The following INPP5F variants were observed in gnomAD, a reference collection of about 807,000 sequenced individuals.
The protein encoded by INPP5F is inositol polyphosphate-5-phosphatase F, also known as phosphatidylinositide 4-phosphatase SAC2.
In INPP5F, 97 loss-of-function variants were observed where a neutral mutation model predicts 137.2. That is an observed-to-expected ratio of 0.71 (90% CI 0.60 to 0.84). The LOEUF (loss-of-function observed/expected upper bound fraction) is 0.84. Among genes scored for constraint, INPP5F ranks in the 40% least tolerant of loss-of-function variants. INPP5F has a pLI of 0.00. For synonymous variants in INPP5F, 504 were observed against 476.9 expected, an observed-to-expected ratio of 1.06 and a Z score of -0.74; for missense variants, 1,271 against 1,371.9, an observed-to-expected ratio of 0.93 and a Z score of 1.16.
chr10:119,798,370 GA>G (rs1336890959), intron 8 of INPP5F, among the ~76,000 whole-genome samples, 172 bp from the exon 9 acceptor site: 8 of 151,684 alleles, frequency 5.3e-5, no homozygotes, highest in Admixed American at 3.3e-4. Context: ...AGTGTAACTG[GA>G]AAAAAAATCA....
chr10:119,767,130 A>AC (rs1385913935), intron 2 of INPP5F, among the ~76,000 whole-genome samples: 2 of 150,052 alleles, frequency 1.3e-5, no homozygotes, highest in African/African-American at 4.9e-5. Flanking sequence ...AAAAAAAAAA[A>AC]AAACCTAGAG....
chr10:119,823,002 T>C, intron 17 of INPP5F, 69 bp from the exon 18 acceptor site: 5 of 1,460,512 alleles, frequency 3.4e-6, no homozygotes, highest in Non-Finnish European at 4.6e-6. Flanking sequence ...GTGTTGGGTC[T>C]TTTTAAGATA....
At position 119,805,461 on chromosome 10, in the gene INPP5F, G is replaced by A. The variant is rs1344866726; in HGVS notation, c.1319G>A (p.Trp440Ter). Residue 440 changes from tryptophan (W) to a stop codon, truncating the protein, a stop_gained and splice_region_variant, in exon 11 of 20, where the codon TGG becomes TAG. Transcript: ENST00000650623. LOFTEE classifies it high-confidence loss of function. ...ATTATTCTTGATATGAAGTGGTGTT[G>A]GTAAGTATTTTACAAGAACTCCTTT... The part of the protein sequence containing the change: ...YDIILDMKWC[W>*]VDEAGVICKQ... 6.2e-7 allele frequency: 1 copy of A among 1,601,428 alleles called. No homozygotes were observed. The highest frequency in any genetic ancestry group is 1.3e-5 in the African/African-American group (1 of 74,718).
rs563627364 is a variant in INPP5F at position 119,784,850 on chromosome 10, C to G, written c.315+3079C>G. 7.2e-5 allele frequency among the ~76,000 whole-genome samples: 11 copies of G among 152,284 alleles called. No individual in the cohort carries two copies. In the East Asian group the frequency reaches 1.9e-3, roughly 27 times the overall value. On this transcript the variant is annotated intron_variant, in intron 3 of 19. Coordinates refer to ENST00000650623, the MANE Select transcript of INPP5F (RefSeq NM_014937.4). ...ACCCTGTCTTCGTTAGCAGCCACTCCTCACTTCCTCCCAAACTCCAGCTCC... is the reference window on the plus strand; with the variant it reads ...ACCCTGTCTTCGTTAGCAGCCACTCGTCACTTCCTCCCAAACTCCAGCTCC...
In INPP5F at chr10:119,806,606, C is replaced by A. The variant is rs548403582; in HGVS notation, c.1440+126C>A. 1.5e-4 allele frequency: 120 copies of A among 824,278 alleles called. No individual in the cohort carries two copies. The South Asian group carries it at 3.6e-3, about 25-fold the overall frequency. 51.1% of individuals were successfully genotyped at this position (824,278 alleles called of 1,614,324 possible). A position where few individuals can be genotyped will look rare whatever the true frequency, so the allele number is the denominator to read the frequency against. On this transcript the variant is annotated intron_variant, in intron 12 of 19. Coordinates refer to ENST00000650623, the MANE Select transcript of INPP5F (RefSeq NM_014937.4). ...TTACAACATTTACAATATACAAACA[C>A]CCTTGTTGCATTAAAATCTGGAAAG...
intron 1 of INPP5F, among the ~76,000 whole-genome samples, chr10:119,729,875 A>G (rs1252268716): frequency 2.0e-5 from 3 of 151,006 alleles, no homozygotes; most frequent in Non-Finnish European, 4.4e-5. Context: ...ATGAGCCACC[A>G]CACTGGGCTT....
At chr10:119,741,743 C>A (rs1848381930) in intron 1 of INPP5F, among the ~76,000 whole-genome samples, 1 of 152,076 alleles carries the variant, frequency 6.6e-6, no homozygotes, top group East Asian at 1.9e-4. Flanking sequence ...CCATGTTGGC[C>A]AGGTTGGTCT....
At chr10:119,752,958 T>A (rs1848730842) in intron 2 of INPP5F, among the ~76,000 whole-genome samples, 1 of 152,008 alleles carries the variant, frequency 6.6e-6, no homozygotes, top group East Asian at 1.9e-4. Flanking sequence ...CTTTCTTTTT[T>A]TTTTGCTATT....
chr10:119,753,961 T>C (rs1848763327), intron 2 of INPP5F, among the ~76,000 whole-genome samples: 1 of 152,210 alleles, frequency 6.6e-6, no homozygotes. Flanking sequence ...CCTCTCCCTC[T>C]ATGTCTCTTT....
At chr10:119,807,166 G>T (rs576869116) in intron 12 of INPP5F, among the ~76,000 whole-genome samples, 2 of 152,092 alleles carry the variant, frequency 1.3e-5, no homozygotes, top group African/African-American at 4.8e-5. Flanking sequence ...CCCGCTACTC[G>T]GGAGGCTAAG....
At chr10:119,778,642 C>A (rs116836968) in intron 2 of INPP5F, among the ~76,000 whole-genome samples, 1 of 152,122 alleles carries the variant, frequency 6.6e-6, no homozygotes, top group Non-Finnish European at 1.5e-5. Context: ...TCTGTTCAAT[C>A]CTAGTGTACA....
intron 10 of INPP5F, among the ~76,000 whole-genome samples, chr10:119,804,654 T>C (rs1052914447): frequency 4.0e-5 from 6 of 151,802 alleles, no homozygotes; most frequent in African/African-American, 1.5e-4. Flanking sequence ...CTGGCTCCTC[T>C]TCATGTCTGG....
intron 15 of INPP5F, chr10:119,819,433 C>G (rs925915555): frequency 3.3e-6 from 5 of 1,508,650 alleles, no homozygotes; most frequent in Non-Finnish European, 3.6e-6. Flanking sequence ...AAAATAGGAG[C>G]TAGGATGAAA....
chr10:119,763,657 A>G (rs1045694360), intron 2 of INPP5F, among the ~76,000 whole-genome samples: 1 of 152,188 alleles, frequency 6.6e-6, no homozygotes, highest in Non-Finnish European at 1.5e-5. Context: ...ACTTGGGCAC[A>G]CCTGTAGTGT....
At chr10:119,758,946 T>TAAA (rs1848928073) in intron 2 of INPP5F, among the ~76,000 whole-genome samples, 2 of 152,216 alleles carry the variant, frequency 1.3e-5, no homozygotes, top group African/African-American at 4.8e-5. Context: ...CATGAAATAT[T>TAAA]TTACATATTT....
intron 3 of INPP5F, 150 bp from the exon 4 acceptor site, chr10:119,791,367 T>C: frequency 1.5e-6 from 1 of 667,718 alleles, no homozygotes. Context: ...CTCATAGTTG[T>C]GCTTGCCATC....
At chr10:119,758,840 T>C (rs541435262) in intron 2 of INPP5F, among the ~76,000 whole-genome samples, 22 of 152,264 alleles carry the variant, frequency 1.4e-4, no homozygotes, top group Non-Finnish European at 3.2e-4. Flanking sequence ...GTGGTGACGA[T>C]GTCTCAGTCA....
intron 2 of INPP5F, among the ~76,000 whole-genome samples, chr10:119,761,596 T>TA (rs397789540): frequency 3.3e-5 from 5 of 151,824 alleles, no homozygotes; most frequent in Non-Finnish European, 7.4e-5. Context: ...TTTTTTTTTT[T>TA]AAGACATGGC....
At chr10:119,735,570 G>A (rs968318004) in intron 1 of INPP5F, among the ~76,000 whole-genome samples, 13 of 152,090 alleles carry the variant, frequency 8.5e-5, no homozygotes, top group African/African-American at 2.7e-4. Flanking sequence ...ATTATATATT[G>A]TTTTTATGCC....
Sources: gnomAD v4.1 joint callset for allele counts (sites outside exome capture counted in the v4.1 genomes callset) on GRCh38, gnomAD v4.1.1 for gene constraint, MANE v1.5 for transcripts, NCBI Gene and HGNC (gene_info 2026-07-23, HGNC 2026-07-21) for gene names.